PRUNE2: variants seen among roughly 807,000 people sequenced by gnomAD.
PRUNE2 encodes the protein prune homolog 2 with BCH domain.
PRUNE2 carries 164 observed loss-of-function variants against 252.0 expected under a neutral mutation model. The observed-to-expected ratio is 0.65, with a 90% confidence interval of 0.57 to 0.74. PRUNE2 has a LOEUF of 0.74. Ranked by LOEUF, PRUNE2 falls within the 30% of genes least tolerant of loss-of-function variation. The pLI is 0.00. For missense variants in PRUNE2, 3,495 were observed against 3,711.0 expected, an observed-to-expected ratio of 0.94 and a Z score of 1.51; for synonymous variants, 1,292 against 1,350.2, an observed-to-expected ratio of 0.96 and a Z score of 0.94.
At chr9:76,639,258 G>A (rs906992316) in intron 12 of PRUNE2, among the ~76,000 whole-genome samples, 16 of 152,130 alleles carry the variant, frequency 1.1e-4, no homozygotes, top group Admixed American at 4.6e-4. Flanking sequence ...TTGGGAGGCC[G>A]AGGTAGGCAG....
intron 6 of PRUNE2, among the ~76,000 whole-genome samples, chr9:76,818,543 C>T (rs2057835611): frequency 6.6e-6 from 1 of 152,076 alleles, no homozygotes; most frequent in Admixed American, 6.6e-5. Context: ...GCATCCCAGG[C>T]TTCACACAGC....
In PRUNE2 at chr9:76,658,368, C is replaced by G. The variant is rs77371501; in HGVS notation, c.8277-2866G>C. 3.0e-3 allele frequency among the ~76,000 whole-genome samples: 462 copies of G among 152,178 alleles called. 2 individuals are homozygous for G. Among genetic ancestry groups the G allele is most frequent in the Non-Finnish European group, 5.1e-3 (347 of 67,998 alleles). Reference sequence around the variant, plus strand: ...AGCAAAACTCCGTCCCACTCCCCCCCAAAAAGAAGGCTATAGGGACATGTT... The same window carrying G: ...AGCAAAACTCCGTCCCACTCCCCCCGAAAAAGAAGGCTATAGGGACATGTT... On this transcript the variant is annotated intron_variant, in intron 9 of 18. Coordinates refer to ENST00000376718, the MANE Select transcript of PRUNE2 (RefSeq NM_015225.3).
At chr9:76,757,417 A>G (rs2051256565) in intron 6 of PRUNE2, among the ~76,000 whole-genome samples, 1 of 152,212 alleles carries the variant, frequency 6.6e-6, no homozygotes, top group Non-Finnish European at 1.5e-5. Flanking sequence ...GAGTCATGTT[A>G]GTTTTGAAAA....
intron 11 of PRUNE2, chr9:76,645,153 T>C (rs1205057698): frequency 2.4e-6 from 1 of 410,124 alleles, no homozygotes; most frequent in Non-Finnish European, 4.4e-6. Context: ...CCACATCCAT[T>C]GCTAAGGCCA....
At chr9:76,648,337 A>T (rs1238362402) in intron 11 of PRUNE2, among the ~76,000 whole-genome samples, 1 of 152,200 alleles carries the variant, frequency 6.6e-6, no homozygotes, top group African/African-American at 2.4e-5. Context: ...AATGCACTGA[A>T]AATGTATGCC....
intron 6 of PRUNE2, chr9:76,740,116 C>G (rs781527564): frequency 3.3e-5 from 5 of 150,748 alleles, no homozygotes; most frequent in African/African-American, 1.2e-4. Context: ...TGAAAAAGAG[C>G]AGGGATCATT....
intron 4 of PRUNE2, among the ~76,000 whole-genome samples, chr9:76,844,384 T>C (rs76297222): frequency 0.025 from 3,869 of 152,226 alleles, 163 homozygotes; most frequent in African/African-American, 0.087. Context: ...TCCCATGTCA[T>C]ATGCCAGCTC....
intron 1 of PRUNE2, among the ~76,000 whole-genome samples, chr9:76,893,282 T>C (rs1368158945): frequency 6.6e-6 from 1 of 152,190 alleles, no homozygotes; most frequent in Non-Finnish European, 1.5e-5. Flanking sequence ...AAAACCCCTA[T>C]GATTCTATAG....
chr9:76,758,038 T>G (rs1294710968), intron 6 of PRUNE2, among the ~76,000 whole-genome samples: 1 of 152,170 alleles, frequency 6.6e-6, no homozygotes, highest in Non-Finnish European at 1.5e-5. Context: ...AATAATAATT[T>G]TTTCTTCTGG....
rs1054809991 is a variant in PRUNE2 at position 76,613,656 on chromosome 9, C to T, written c.*914G>A. Reference sequence around the variant, plus strand: ...ATATTTTGTACATGAAAGTAATACTCATATTTAATTTTAAGCCTATGATCA... The same window carrying T: ...ATATTTTGTACATGAAAGTAATACTTATATTTAATTTTAAGCCTATGATCA... On this transcript the variant is annotated 3_prime_UTR_variant, in exon 19 of 19. Coordinates refer to ENST00000376718, the MANE Select transcript of PRUNE2 (RefSeq NM_015225.3). 3.3e-5 allele frequency: 5 copies of T among 152,242 alleles called. No homozygotes were observed. The highest frequency in any genetic ancestry group is 3.9e-4 in the East Asian group (2 of 5,188). The allele number at this position is 152,242 out of a possible 1,614,324, so 9.4% of individuals were successfully genotyped here.
chr9:76,872,198 G>T lies in PRUNE2; in HGVS notation c.37-17990C>A, dbSNP rs111406742. On this transcript the variant is annotated intron_variant, in intron 1 of 18. Transcript: ENST00000376718. ...GCCCCACCTTCCAAGCATCGTCACA[G>T]GCACATTCAAACCCTCCCCACCGCA... Among the ~76,000 whole-genome samples, 984 of 152,178 alleles carry T rather than the reference G, an allele frequency of 6.5e-3. 10 individuals are homozygous for T. Among genetic ancestry groups the T allele is most frequent in the African/African-American group, 0.022 (932 of 41,506 alleles).
intron 18 of PRUNE2, among the ~76,000 whole-genome samples, 181 bp downstream of exon 18, chr9:76,619,159 T>C (rs910314135): frequency 6.6e-6 from 1 of 152,174 alleles, no homozygotes; most frequent in African/African-American, 2.4e-5. Context: ...TAAGGGGTGA[T>C]CGTGAATGAA....
In PRUNE2 at chr9:76,611,391, T is replaced by C. The variant is rs1827389842; in HGVS notation, c.*3179A>G. The C allele has an allele frequency of 6.6e-6, 1 of 152,216 alleles. No individual in the cohort carries two copies. Among genetic ancestry groups the C allele is most frequent in the Non-Finnish European group, 1.5e-5 (1 of 68,048 alleles). The allele number at this position is 152,216 out of a possible 1,614,324, so 9.4% of individuals were successfully genotyped here. The stretch of plus-strand genomic sequence containing the variant: ...AACCATCACATGCAGAATCAATTTT[T>C]ATTTCTGAATTATACAGTGAGGCTA... On this transcript the variant is annotated 3_prime_UTR_variant, in exon 19 of 19. Coordinates refer to ENST00000376718, the MANE Select transcript of PRUNE2 (RefSeq NM_015225.3).
rs78527755 is a variant in PRUNE2, at chr9:76,882,605, T to G, written c.36+23323A>C. Among the ~76,000 whole-genome samples the G allele has an allele frequency of 4.0e-3, 606 of 151,988 alleles. 5 individuals are homozygous for G. Among genetic ancestry groups the G allele is most frequent in the African/African-American group, 0.014 (584 of 41,428 alleles). On this transcript the variant is annotated intron_variant, in intron 1 of 18. Transcript: ENST00000376718. ...GCGGGGAGCAAAGCGTCTCACATGG[T>G]GGGAACAGGAGCAAGAGAGAGAGAG...
At chr9:76,648,203 C>T (rs1225468902) in intron 11 of PRUNE2, among the ~76,000 whole-genome samples, 3 of 150,884 alleles carry the variant, frequency 2.0e-5, no homozygotes, top group Middle Eastern at 3.2e-3. Context: ...GACAGGAACT[C>T]GCATTCATTG....
chr9:76,877,518 A>G (rs1705081770), intron 1 of PRUNE2, among the ~76,000 whole-genome samples: 2 of 152,050 alleles, frequency 1.3e-5, no homozygotes, highest in South Asian at 4.1e-4. Flanking sequence ...ACACACACAC[A>G]CAAAGGAACA....
chr9:76,642,096 T>C lies in PRUNE2; in HGVS notation c.8728+2643A>G, dbSNP rs987022210. On this transcript the variant is annotated intron_variant, in intron 12 of 18. Transcript: ENST00000376718. ...CCATTATTTAAATGGGTTTCTCAGC[T>C]CCAAGTTCAAAAAAAAAGCCAGTTC... 5 of 798,658 alleles carry C rather than the reference T, an allele frequency of 6.3e-6. No homozygotes were observed. In the African/African-American group the frequency reaches 7.0e-5, roughly 11 times the overall value. 49.5% of individuals were successfully genotyped at this position (798,658 alleles called of 1,614,324 possible).
intron 6 of PRUNE2, among the ~76,000 whole-genome samples, chr9:76,822,225 C>G (rs1340686533): frequency 6.6e-6 from 1 of 152,128 alleles, no homozygotes; most frequent in East Asian, 1.9e-4. Context: ...GAGCACTTAT[C>G]AATCTGAAAG....
intron 1 of PRUNE2, among the ~76,000 whole-genome samples, chr9:76,896,564 T>C (rs2062836829): frequency 6.6e-6 from 1 of 152,214 alleles, no homozygotes; most frequent in Non-Finnish European, 1.5e-5. Flanking sequence ...TTTCATCGCT[T>C]TCTTTTCTCC....
Sources: gnomAD v4.1 joint callset for allele counts (sites outside exome capture counted in the v4.1 genomes callset) on GRCh38, gnomAD v4.1.1 for gene constraint, MANE v1.5 for transcripts, NCBI Gene and HGNC (gene_info 2026-07-23, HGNC 2026-07-21) for gene names.